The following DCTN1 variants were observed in gnomAD, a reference collection of about 807,000 sequenced individuals.
DCTN1 encodes 150 kDa dynein-associated polypeptide.
A neutral mutation model predicts 161.2 loss-of-function variants in DCTN1; 61 were observed. The observed-to-expected ratio is 0.38, with a 90% CI of 0.31 to 0.47. DCTN1 has a LOEUF of 0.47. Among genes scored for constraint, DCTN1 ranks in the 20% least tolerant of loss-of-function variants. The pLI is 0.99. For missense variants in DCTN1, 1,404 were observed against 1,623.7 expected, an observed-to-expected ratio of 0.86 and a Z score of 2.33; for synonymous variants, 653 against 632.4, an observed-to-expected ratio of 1.03 and a Z score of -0.49.
chr2:74,369,822 A>G lies in DCTN1; in HGVS notation c.1392+143T>C. The G allele has an allele frequency of 1.3e-6, 1 of 769,796 alleles. No individual in the cohort carries two copies. Among genetic ancestry groups the G allele is most frequent in the Middle Eastern group, 3.4e-4 (1 of 2,952 alleles). The allele number at this position is 769,796 out of a possible 1,614,324, so 47.7% of individuals were successfully genotyped here. A position where few individuals can be genotyped will look rare whatever the true frequency, so the allele number is the denominator to read the frequency against. ...AGAGCGAGATTCCATCTCAGAAAAA[A>G]AAAAAAAAAAAAAAGGCAGGGTCAG... is the stretch of plus-strand genomic sequence containing the variant. On this transcript the variant is annotated intron_variant, in intron 13 of 31. Transcript: ENST00000628224. The surrounding 1 kb of genome is among the most constrained non-coding windows in gnomAD (Gnocchi z 4.9).
In DCTN1 at chr2:74,377,420, C is replaced by A. The variant is rs1292229870; in HGVS notation, c.393+12G>T. The A allele has an allele frequency of 1.2e-6, 2 of 1,612,126 alleles. No homozygotes were observed. The highest frequency in any genetic ancestry group is 3.3e-5 in the Admixed American group (2 of 60,010). On this transcript the variant is annotated intron_variant, in intron 4 of 31. Transcript: ENST00000628224. The stretch of plus-strand genomic sequence containing the variant: ...CTTTATTATTCCCCATTCCCACCCC[C>A]AAATCACTCACCAGTTTGCTAGTCT...
chr2:74,366,197 T>C (rs991947321), intron 23 of DCTN1, 47 bp downstream of exon 23: 8 of 1,613,438 alleles, frequency 5.0e-6, no homozygotes, highest in African/African-American at 1.3e-5. Flanking sequence ...TCTGCAAGTC[T>C]TACTCCTACA....
chr2:74,366,071 T>C, intron 23 of DCTN1, 53 bp from the exon 24 acceptor site: 3 of 1,613,782 alleles, frequency 1.9e-6, no homozygotes, highest in Admixed American at 3.3e-5. Context: ...GAAGAGATCA[T>C]CACTGTGCTC....
At chr2:74,372,876 G>T in intron 7 of DCTN1, 52 bp downstream of exon 7, 2 of 1,595,838 alleles carry the variant, frequency 1.3e-6, no homozygotes, top group Non-Finnish European at 8.6e-7. Context: ...CCACATGCCT[G>T]AAACGTGTGT....
intron 29 of DCTN1, 102 bp downstream of exon 29, chr2:74,362,892 G>C: frequency 2.1e-6 from 3 of 1,409,794 alleles, no homozygotes; most frequent in Middle Eastern, 2.2e-4. Flanking sequence ...AACACTGCTG[G>C]GAAGAGCTTC....
chr2:74,379,885 G>T, intron 1 of DCTN1, 120 bp downstream of exon 1: 1 of 1,041,978 alleles, frequency 9.6e-7, no homozygotes. Flanking sequence ...AGAAAACACA[G>T]TCTGAGTGCC....
At position 74,370,242 on chromosome 2, in the gene DCTN1, G is replaced by A. The variant is rs779472194; in HGVS notation, c.1231C>T (p.Arg411Cys). The A allele has an allele frequency of 6.2e-6, 10 of 1,613,850 alleles. No individual in the cohort carries two copies. The highest frequency in any genetic ancestry group is 4.5e-5 in the East Asian group (2 of 44,898). The change falls in exon 12 of 32, where the codon CGT (arginine) becomes TGT (cysteine). Residue 411 changes from arginine to cysteine, a missense_variant. Around this residue, in one of 9 missense-constraint regions of DCTN1, gnomAD observed 278 missense variants for 363.8 expected, o/e 0.76. Transcript: ENST00000628224. This position sits in a 1 kb window ranked among gnomAD's most constrained non-coding sequence, Gnocchi z 4.4. ...GCCTGGCTTAGCTCCTCCTGCAGAC[G>A]CTCCCGCTGTTGCCTCACAACTTCC... Reference protein sequence around the residue: ...ELEVVRQQRERLQEELSQAES... With the variant: ...ELEVVRQQRECLQEELSQAES...
chr2:74,368,903 G>T (rs747653436), intron 15 of DCTN1, 23 bp from the exon 16 acceptor site: 2 of 1,613,906 alleles, frequency 1.2e-6, no homozygotes, highest in East Asian at 4.5e-5. Context: ...CAGGGAGGAG[G>T]ACTCTTAGCC....
chr2:74,364,343 A>G (rs751986234), intron 26 of DCTN1: 2 of 158,472 alleles, frequency 1.3e-5, no homozygotes, highest in African/African-American at 2.4e-5. Flanking sequence ...ACTCAGGAGC[A>G]GCTGGGAAAG....
rs1408761423 is a variant in DCTN1, at chr2:74,370,314, C to G, written c.1159G>C (p.Glu387Gln). 2 of 1,613,938 alleles carry G rather than the reference C, an allele frequency of 1.2e-6. No individual in the cohort carries two copies. The highest frequency in any genetic ancestry group is 2.7e-5 in the African/African-American group (2 of 74,926). Residue 387 changes from glutamate (E) to glutamine (Q), a missense_variant, in exon 12 of 32, where the codon GAG becomes CAG. Glu to Gln is a conservative substitution (Grantham distance 29, BLOSUM62 2). This residue lies in a region of DCTN1 where 278 missense variants were observed against 363.8 expected (regional missense o/e 0.76). Transcript: ENST00000628224. The surrounding 1 kb of genome is among the most constrained non-coding windows in gnomAD (Gnocchi z 4.4). ...ATGAGCTTCTGGAGCTTCACATGCTCCTGCTTCTCTGAGGAAGAAAGATCC... is the reference window on the plus strand; with the variant it reads ...ATGAGCTTCTGGAGCTTCACATGCTGCTGCTTCTCTGAGGAAGAAAGATCC... ...MRDLSSSEKQ[E>Q]HVKLQKLMEK... is the part of the protein sequence containing the mutation.
chr2:74,368,656 T>G, intron 16 of DCTN1, 72 bp downstream of exon 16: 1 of 1,607,602 alleles, frequency 6.2e-7, no homozygotes, highest in Admixed American at 1.7e-5. Context: ...TTGTCTTCAC[T>G]CAGCATCTTC....
exon 1 of DCTN1, chr2:74,391,824 C>G (rs1436201214): frequency 2.2e-6 from 1 of 453,806 alleles, no homozygotes; most frequent in Admixed American, 2.4e-5. Flanking sequence ...CGCCCAGCTC[C>G]GACCCCACCG....
intron 5 of DCTN1, among the ~76,000 whole-genome samples, chr2:74,376,188 A>G (rs928124879): frequency 6.6e-5 from 10 of 152,042 alleles, no homozygotes. Context: ...CAGAGGAAGG[A>G]GACAGGGACA....
chr2:74,391,688 G>T, intron 1 of DCTN1: 1 of 409,444 alleles, frequency 2.4e-6, no homozygotes. Context: ...ACCCCTGCCA[G>T]TCCCCGCCCC....
At chr2:74,366,751 T>C in intron 21 of DCTN1, 32 bp downstream of exon 21, 1 of 1,614,246 alleles carries the variant, frequency 6.2e-7, no homozygotes, top group African/African-American at 1.3e-5. Context: ...TTCTACTCAG[T>C]TTCCTTCCCT....
At chr2:74,378,294 T>G in intron 1 of DCTN1, 49 bp from the exon 2 acceptor site, 1 of 1,597,918 alleles carries the variant, frequency 6.3e-7, no homozygotes, top group Non-Finnish European at 8.5e-7. Flanking sequence ...AGATCAAAGG[T>G]GGCATTCTTA....
chr2:74,368,203 C>T, intron 16 of DCTN1, 72 bp from the exon 17 acceptor site: 2 of 1,541,110 alleles, frequency 1.3e-6, no homozygotes, highest in Non-Finnish European at 1.8e-6. Flanking sequence ...GAATATAGTA[C>T]TCAGAGCTTA....
chr2:74,368,351 A>G, intron 16 of DCTN1: 2 of 655,274 alleles, frequency 3.1e-6, no homozygotes, highest in Non-Finnish European at 5.2e-6. Flanking sequence ...ATGAAAGGGT[A>G]GTGGGACCGG....
intron 3 of DCTN1, 44 bp from the exon 4 acceptor site, chr2:74,377,510 G>T: frequency 6.4e-7 from 1 of 1,573,336 alleles, no homozygotes; most frequent in Non-Finnish European, 8.7e-7. Flanking sequence ...TGTATAGAGA[G>T]GTAGGGGGAG....
Sources: allele counts gnomAD v4.1 joint callset (sites outside exome capture counted in the v4.1 genomes callset), GRCh38; gene constraint gnomAD v4.1.1; regional missense constraint gnomAD v4.1.1; non-coding constraint Gnocchi (gnomAD v3.1); transcripts MANE v1.5; gene names NCBI Gene and HGNC (gene_info 2026-07-23, HGNC 2026-07-21).